The following EZR variants were observed in gnomAD, a reference collection of about 807,000 sequenced individuals.
The protein encoded by EZR is ezrin, also known as cytovillin 2.
A neutral mutation model predicts 74.8 loss-of-function variants in EZR; 40 were observed. The observed-to-expected ratio is 0.53, with a 90% CI of 0.42 to 0.70. The LOEUF is 0.70. Ranked by LOEUF, EZR falls within the 30% of genes least tolerant of loss-of-function variation. The pLI is 0.00. For missense variants in EZR, 678 were observed against 755.8 expected (o/e 0.90, Z 1.21); for synonymous variants, 341 against 283.3 (o/e 1.20, Z -2.05).
At chr6:158,803,520 T>C (rs1409666222) in intron 2 of EZR, among the ~76,000 whole-genome samples, 1 of 126,978 alleles carries the variant, frequency 7.9e-6, no homozygotes, top group Non-Finnish European at 1.6e-5. Flanking sequence ...GTAAATATTA[T>C]GTAACATTAT....
At chr6:158,807,728 G>A (rs3127185) in intron 2 of EZR, among the ~76,000 whole-genome samples, 118,280 of 152,142 alleles carry the variant, frequency 0.78, 47,861 homozygotes, top group African/African-American at 0.91. Flanking sequence ...ACCCCCTGAC[G>A]ATGTATTAGA....
rs762604116 is a variant in EZR, at chr6:158,818,086, T to C, written c.8A>G (p.Lys3Arg). Residue 3 changes from lysine to arginine, a missense_variant, in exon 2 of 14, where the codon AAA becomes AGA. By Grantham distance (26) the Lys-to-Arg change is conservative. Transcript: ENST00000367075. ...CCCAGAAACTGGGCAACTTACTGGT[T>C]TCGGCATTTTCGGTTTCTGGTGAGT... MP[K>R]PINVRVTTMD... 2 of 1,609,300 alleles carry C rather than the reference T, an allele frequency of 1.2e-6. No homozygotes were observed. The highest frequency in any genetic ancestry group is 1.7e-6 in the Non-Finnish European group (2 of 1,176,784).
intron 8 of EZR, among the ~76,000 whole-genome samples, chr6:158,774,153 G>T (rs927584999): frequency 2.7e-4 from 41 of 152,158 alleles, no homozygotes; most frequent in Non-Finnish European, 4.9e-4. Context: ...TTTTTTACAA[G>T]AAAGTTCGAT....
At chr6:158,801,065 G>A (rs562366481) in intron 2 of EZR, among the ~76,000 whole-genome samples, 1 of 152,336 alleles carries the variant, frequency 6.6e-6, no homozygotes, top group Admixed American at 6.5e-5. Flanking sequence ...GGCCTAGGAG[G>A]TCGAGCCTGC....
chr6:158,766,159 A>AAAGGT lies in EZR; in HGVS notation c.*750_*754dup, dbSNP rs1217150868. The AAAGGT allele has an allele frequency of 1.3e-5, 2 of 152,666 alleles. No homozygotes were observed. Among genetic ancestry groups the AAAGGT allele is most frequent in the East Asian group, 3.8e-4 (2 of 5,204 alleles). 9.5% of individuals were successfully genotyped at this position (152,666 alleles called of 1,614,324 possible). A position where few individuals can be genotyped will look rare whatever the true frequency, so the allele number is the denominator to read the frequency against. ...TCATATGTAATTCTTTTATTCTGTA[A>AAAGGT]AAGGTAACAAAATATACAGAACAAA... On this transcript the variant is annotated 3_prime_UTR_variant, in exon 14 of 14. Transcript: ENST00000367075.
At chr6:158,800,620 G>A (rs1342268317) in intron 2 of EZR, among the ~76,000 whole-genome samples, 1 of 152,154 alleles carries the variant, frequency 6.6e-6, no homozygotes, top group Non-Finnish European at 1.5e-5. Flanking sequence ...GGCCAACATG[G>A]CGAAACCCCA....
intron 3 of EZR, 27 bp from the exon 4 acceptor site, chr6:158,787,230 ACT>A: frequency 1.3e-6 from 2 of 1,585,894 alleles, no homozygotes; most frequent in East Asian, 2.2e-5. Context: ...GAGGCTCAAC[ACT>A]CATGAGAAAC....
At chr6:158,813,498 A>G (rs2128577457) in intron 2 of EZR, among the ~76,000 whole-genome samples, 1 of 152,276 alleles carries the variant, frequency 6.6e-6, no homozygotes, top group Non-Finnish European at 1.5e-5. Flanking sequence ...AGCACCTCTC[A>G]CTGCCACATG....
chr6:158,783,731 T>G, intron 6 of EZR, 65 bp from the exon 7 acceptor site: 1 of 1,518,476 alleles, frequency 6.6e-7, no homozygotes, highest in Non-Finnish European at 9.0e-7. Flanking sequence ...CAGTAAAACC[T>G]TTCCAGTATT....
At chr6:158,786,986 A>G (rs1050947637) in intron 4 of EZR, 122 bp downstream of exon 4, 4 of 749,152 alleles carry the variant, frequency 5.3e-6, no homozygotes, top group Non-Finnish European at 8.8e-6. Flanking sequence ...TTGTCTGTAA[A>G]AACTTTTACA....
intron 7 of EZR, among the ~76,000 whole-genome samples, chr6:158,780,535 A>G (rs1356754788): frequency 6.6e-6 from 1 of 152,086 alleles, no homozygotes; most frequent in Admixed American, 6.5e-5. Context: ...GAATTTAAAG[A>G]AGAGACATGT....
intron 2 of EZR, among the ~76,000 whole-genome samples, chr6:158,816,586 A>T (rs1777560452): frequency 6.6e-6 from 1 of 152,248 alleles, no homozygotes; most frequent in African/African-American, 2.4e-5. Flanking sequence ...TGCACTGTCA[A>T]GCCTCGATGT....
intron 2 of EZR, among the ~76,000 whole-genome samples, chr6:158,792,418 G>A (rs1295476054): frequency 6.6e-6 from 1 of 152,152 alleles, no homozygotes; most frequent in African/African-American, 2.4e-5. Flanking sequence ...CACCATGTTG[G>A]CCAGGCTGGT....
At chr6:158,808,529 A>G (rs2128576266) in intron 2 of EZR, among the ~76,000 whole-genome samples, 1 of 152,362 alleles carries the variant, frequency 6.6e-6, no homozygotes, top group Non-Finnish European at 1.5e-5. Flanking sequence ...GACCATCACG[A>G]GCTAGTAAAG....
rs1790843822 is a variant in EZR at position 158,766,420 on chromosome 6, A to T, written c.*494T>A. The T allele has an allele frequency of 6.5e-6, 1 of 153,544 alleles. No individual in the cohort carries two copies. Among genetic ancestry groups the T allele is most frequent in the East Asian group, 1.9e-4 (1 of 5,208 alleles). 9.5% of individuals were successfully genotyped at this position (153,544 alleles called of 1,614,324 possible). A position where few individuals can be genotyped will look rare whatever the true frequency, so the allele number is the denominator to read the frequency against. ...AGGAGGGAATCACTGTGTGTGCGAG[A>T]GTGCTTCAGACTCAATTTCCAAAAT... On this transcript the variant is annotated 3_prime_UTR_variant, in exon 14 of 14. Coordinates refer to ENST00000367075, the MANE Select transcript of EZR (RefSeq NM_001111077.2).
rs767467930 is a variant in EZR, at chr6:158,776,392, A to C, written c.795+16T>G. 4.4e-6 allele frequency: 7 copies of C among 1,594,130 alleles called. No homozygotes were observed. The highest frequency in any genetic ancestry group is 8.6e-7 in the Non-Finnish European group (1 of 1,161,886). On this transcript the variant is annotated intron_variant, in intron 8 of 13. Coordinates refer to ENST00000367075, the MANE Select transcript of EZR (RefSeq NM_001111077.2). ...TGAAAAACAGTAGCCCCTGAATAGA[A>C]TCCTTTGGAACTTACAGGTGCCTTC... is the stretch of plus-strand genomic sequence containing the variant.
chr6:158,767,913 C>A (rs1790955346), intron 12 of EZR, among the ~76,000 whole-genome samples: 1 of 152,094 alleles, frequency 6.6e-6, no homozygotes, highest in South Asian at 2.1e-4. Flanking sequence ...CACACCCAGT[C>A]CCGCCCGCCT....
intron 2 of EZR, among the ~76,000 whole-genome samples, chr6:158,817,367 C>T (rs1409997368): frequency 6.6e-6 from 1 of 152,228 alleles, no homozygotes; most frequent in Non-Finnish European, 1.5e-5. Context: ...GCAATCTCAA[C>T]ACAATCAGAT....
rs536214158 is a variant in EZR at position 158,786,972 on chromosome 6, C to T, written c.192+136G>A. The T allele has an allele frequency of 1.7e-5, 11 of 661,384 alleles. No individual in the cohort carries two copies. The African/African-American group carries it at 1.8e-4, about 11-fold the overall frequency. The allele number at this position is 661,384 out of a possible 1,614,324, so 41.0% of individuals were successfully genotyped here. Reference sequence around the variant, plus strand: ...TCTCCATTTACTGGAAACCTGCAACCTTTTTGTCTGTAAAAACTTTTACAC... The same window carrying T: ...TCTCCATTTACTGGAAACCTGCAACTTTTTTGTCTGTAAAAACTTTTACAC... On this transcript the variant is annotated intron_variant, in intron 4 of 13. Coordinates refer to ENST00000367075, the MANE Select transcript of EZR (RefSeq NM_001111077.2).
Sources: gnomAD v4.1 joint callset for allele counts (sites outside exome capture counted in the v4.1 genomes callset) on GRCh38, gnomAD v4.1.1 for gene constraint, MANE v1.5 for transcripts, NCBI Gene and HGNC (gene_info 2026-07-23, HGNC 2026-07-21) for gene names.